HERC4: variants seen among roughly 807,000 people sequenced by gnomAD.
The protein encoded by HERC4 is HECT and RLD domain containing E3 ubiquitin protein ligase 4.
HERC4 carries 28 observed loss-of-function variants against 124.3 expected under a neutral mutation model. That is an observed-to-expected ratio of 0.23 (90% confidence interval 0.17 to 0.31). The LOEUF (loss-of-function observed/expected upper bound fraction) is 0.31, where lower values mean the gene tolerates loss of function less well. HERC4 is among the 10% of genes least tolerant of loss of function. The pLI, the probability that HERC4 is intolerant of heterozygous loss-of-function variation, is 1.00. For missense variants in HERC4, 713 were observed against 1,229.3 expected (o/e 0.58, Z 6.28); for synonymous variants, 407 against 421.5 (o/e 0.97, Z 0.42).
chr10:68,025,319 T>C (rs1192739705), intron 8 of HERC4, among the ~76,000 whole-genome samples: 1 of 152,160 alleles, frequency 6.6e-6, no homozygotes, highest in Non-Finnish European at 1.5e-5. Context: ...TAATATTACA[T>C]ATACACTATT....
At chr10:67,949,364 A>T (rs1394649920) in intron 19 of HERC4, among the ~76,000 whole-genome samples, 1 of 152,196 alleles carries the variant, frequency 6.6e-6, no homozygotes, top group Non-Finnish European at 1.5e-5. Context: ...CATTTAAAGG[A>T]GAATTAACAC....
chr10:67,941,927 A>G (rs2032939987), intron 19 of HERC4, among the ~76,000 whole-genome samples: 1 of 152,100 alleles, frequency 6.6e-6, no homozygotes, highest in South Asian at 2.1e-4. Flanking sequence ...AAGTGCTGGG[A>G]TTACAGGCGT....
chr10:67,998,932 G>A (rs763468052), intron 9 of HERC4, among the ~76,000 whole-genome samples: 60 of 151,970 alleles, frequency 3.9e-4, no homozygotes, highest in Non-Finnish European at 6.0e-4. Flanking sequence ...TAGAAACGGG[G>A]TTTCACCATG....
At chr10:68,015,966 G>A (rs758269709) in intron 8 of HERC4, among the ~76,000 whole-genome samples, 2 of 152,088 alleles carry the variant, frequency 1.3e-5, no homozygotes, top group East Asian at 1.9e-4. Context: ...AGCTGGGCAC[G>A]GTGGCATGCG....
chr10:67,928,812 T>TAA (rs1277985577), intron 23 of HERC4, among the ~76,000 whole-genome samples: 5 of 151,964 alleles, frequency 3.3e-5, no homozygotes, highest in Non-Finnish European at 7.4e-5. Flanking sequence ...TTCCAGCTAC[T>TAA]CGGGAGGCTG....
Position 68,002,069 on chromosome 10 carries a change from A to C in HERC4, c.1070-9387T>G, listed in dbSNP as rs1239590913. Among the ~76,000 whole-genome samples, 3 of 152,276 alleles carry C rather than the reference A, an allele frequency of 2.0e-5. 1 individual carries two copies. The East Asian group carries it at 5.8e-4, about 29-fold the overall frequency. On this transcript the variant is annotated intron_variant, in intron 9 of 24. Coordinates refer to ENST00000373700, the MANE Select transcript of HERC4 (RefSeq NM_015601.4). ...AAAACACCAACTCCTTCCCCATTCTAATGCAAATAATCTCAAGGTCTACAG... is the reference window on the plus strand; with the variant it reads ...AAAACACCAACTCCTTCCCCATTCTCATGCAAATAATCTCAAGGTCTACAG...
At chr10:68,025,236 G>GA (rs1319578748) in intron 8 of HERC4, among the ~76,000 whole-genome samples, 4 of 150,700 alleles carry the variant, frequency 2.7e-5, no homozygotes, top group Non-Finnish European at 5.9e-5. Context: ...AAAAAGGAAA[G>GA]AAAAGAAAAG....
At chr10:68,010,653 T>G in intron 9 of HERC4, 1 of 1,457,688 alleles carries the variant, frequency 6.9e-7, no homozygotes. Flanking sequence ...GTCGGCTTCC[T>G]CCACCCACTT....
chr10:67,961,740 A>C (rs2034534949), intron 16 of HERC4, among the ~76,000 whole-genome samples: 1 of 152,202 alleles, frequency 6.6e-6, no homozygotes, highest in African/African-American at 2.4e-5. Flanking sequence ...GGAGGATTTA[A>C]GATATTAGCA....
chr10:67,936,038 C>G (rs1465314561), intron 22 of HERC4, 115 bp downstream of exon 22: 4 of 604,290 alleles, frequency 6.6e-6, no homozygotes, highest in Non-Finnish European at 1.1e-5. Flanking sequence ...ACTAACCACT[C>G]AAAATTAAAG....
At chr10:67,995,109 C>T (rs2036787874) in intron 9 of HERC4, 1 of 322,550 alleles carries the variant, frequency 3.1e-6, no homozygotes, top group South Asian at 2.6e-5. Context: ...TAACATTTGG[C>T]TTGGTCTTCT....
intron 8 of HERC4, among the ~76,000 whole-genome samples, chr10:68,020,039 T>G (rs968351472): frequency 5.3e-5 from 8 of 152,178 alleles, no homozygotes; most frequent in Non-Finnish European, 8.8e-5. Context: ...TCTACAACAT[T>G]AAAAAGCAAC....
In HERC4 at chr10:68,041,719, C is replaced by T. The variant is rs192085977; in HGVS notation, c.386+2685G>A. Among the ~76,000 whole-genome samples the T allele has an allele frequency of 4.7e-4, 71 of 152,024 alleles. 1 individual carries two copies. In the East Asian group the frequency reaches 0.012, roughly 26 times the overall value. On this transcript the variant is annotated intron_variant, in intron 4 of 24. Transcript: ENST00000373700. ...ATGTGTTTCCACTTATATTAAACTA[C>T]GATAATAAAATTTGGGTCAATTTTT... is the stretch of plus-strand genomic sequence containing the variant.
intron 9 of HERC4, among the ~76,000 whole-genome samples, chr10:68,004,971 A>G (rs905624733): frequency 3.9e-5 from 6 of 152,342 alleles, no homozygotes; most frequent in African/African-American, 1.2e-4. Context: ...GTCTAGTTTC[A>G]TTCTTCTGCA....
chr10:67,969,724 G>C (rs114346000), intron 15 of HERC4, among the ~76,000 whole-genome samples: 1 of 152,106 alleles, frequency 6.6e-6, no homozygotes, highest in Admixed American at 6.5e-5. Flanking sequence ...AGTAGGACTA[G>C]AGGTCTGCAA....
intron 15 of HERC4, among the ~76,000 whole-genome samples, chr10:67,979,832 G>A (rs1216375272): frequency 6.6e-6 from 1 of 152,068 alleles, no homozygotes; most frequent in Non-Finnish European, 1.5e-5. Flanking sequence ...AGCTACTCAG[G>A]AGGCTGAGGC....
At chr10:68,058,852 T>G (rs549524172) in intron 3 of HERC4, among the ~76,000 whole-genome samples, 1 of 151,508 alleles carries the variant, frequency 6.6e-6, no homozygotes, top group African/African-American at 2.4e-5. Flanking sequence ...AAAAAAAAAA[T>G]TGAATGGGTA....
intron 15 of HERC4, among the ~76,000 whole-genome samples, chr10:67,977,501 G>A (rs926230822): frequency 6.6e-6 from 1 of 152,094 alleles, no homozygotes; most frequent in Non-Finnish European, 1.5e-5. Flanking sequence ...GGCAGCTATG[G>A]GGCAAGACTC....
At chr10:68,001,238 A>G (rs2037212779) in intron 9 of HERC4, among the ~76,000 whole-genome samples, 1 of 151,858 alleles carries the variant, frequency 6.6e-6, no homozygotes, top group African/African-American at 2.4e-5. Flanking sequence ...TGAGTGTGGT[A>G]GCAAACACCT....
Sources: gnomAD v4.1 joint callset for allele counts (sites outside exome capture counted in the v4.1 genomes callset) on GRCh38, gnomAD v4.1.1 for gene constraint, MANE v1.5 for transcripts, NCBI Gene and HGNC (gene_info 2026-07-23, HGNC 2026-07-21) for gene names.